Variants in GLI3 observed in about 807,000 individuals in gnomAD.
The protein encoded by GLI3 is transcription activator GLI3.
Under a neutral mutation model 100.8 loss-of-function variants are expected in GLI3, and 20 were observed. The observed-to-expected ratio is 0.20, with a 90% CI of 0.14 to 0.29. The LOEUF (loss-of-function observed/expected upper bound fraction) is 0.29. Ranked by LOEUF, GLI3 falls within the 10% of genes least tolerant of loss-of-function variation. The probability of loss-of-function intolerance (pLI) is 1.00; values close to 1 mark genes in which losing one functional copy is unlikely to be tolerated. For synonymous variants in GLI3, 938 were observed against 860.5 expected (o/e 1.09, Z -1.58); for missense variants, 2,040 against 2,128.5 (o/e 0.96, Z 0.82).
chr7:42,085,274 T>C (rs951143883), intron 3 of GLI3, among the ~76,000 whole-genome samples: 2 of 152,138 alleles, frequency 1.3e-5, no homozygotes, highest in African/African-American at 4.8e-5. Context: ...CAACAACTGA[T>C]CCACAAAGGG....
chr7:42,139,995 C>G (rs1251216367), intron 3 of GLI3, among the ~76,000 whole-genome samples: 1 of 152,236 alleles, frequency 6.6e-6, no homozygotes, highest in African/African-American at 2.4e-5. Context: ...CTCTTGAGCC[C>G]TGTCTTTGCC....
intron 12 of GLI3, among the ~76,000 whole-genome samples, chr7:41,973,916 C>CAT (rs373848101): frequency 1.6e-4 from 25 of 151,622 alleles, no homozygotes; most frequent in Admixed American, 3.3e-4. Flanking sequence ...TGATTTGCAG[C>CAT]ATATATATAT....
chr7:42,182,659 TATATATATATATATATATATATACAC>T (rs1787623677), intron 2 of GLI3, among the ~76,000 whole-genome samples: 2 of 62,718 alleles, frequency 3.2e-5, no homozygotes, highest in Admixed American at 3.1e-4. Context: ...TATATATATA[TATATATATATATATATATATATACAC>T]ATGTGTGTAT....
chr7:42,097,453 G>A (rs879809717), intron 3 of GLI3, among the ~76,000 whole-genome samples: 2 of 152,164 alleles, frequency 1.3e-5, no homozygotes, highest in Non-Finnish European at 2.9e-5. Context: ...GGTTAAGCAC[G>A]AGGGGAGATG....
chr7:42,035,220 CATTT>C (rs1405666746), intron 7 of GLI3, among the ~76,000 whole-genome samples: 1 of 152,124 alleles, frequency 6.6e-6, no homozygotes, highest in Admixed American at 6.5e-5. Flanking sequence ...TTTCTCAATT[CATTT>C]GTGTGTTATT....
At chr7:42,122,597 A>G (rs551006781) in intron 3 of GLI3, among the ~76,000 whole-genome samples, 3 of 152,328 alleles carry the variant, frequency 2.0e-5, no homozygotes, top group Admixed American at 2.0e-4. Flanking sequence ...GACTTACACA[A>G]GTCAGCCAGC....
At chr7:42,142,798 G>A (rs989806360) in intron 3 of GLI3, among the ~76,000 whole-genome samples, 5 of 151,854 alleles carry the variant, frequency 3.3e-5, no homozygotes, top group African/African-American at 9.7e-5. Flanking sequence ...AATTAGCCGG[G>A]TGTGGTGGCA....
chr7:42,262,804 A>G (rs1348321348), intron 1 of GLI3, among the ~76,000 whole-genome samples: 1 of 152,214 alleles, frequency 6.6e-6, no homozygotes, highest in Non-Finnish European at 1.5e-5. Context: ...TACTTTTTAA[A>G]TTATTCATGC....
At chr7:42,058,954 TG>T (rs1375882485) in intron 4 of GLI3, among the ~76,000 whole-genome samples, 4 of 152,248 alleles carry the variant, frequency 2.6e-5, no homozygotes, top group Admixed American at 6.5e-5. Flanking sequence ...TGCAATGCAC[TG>T]TTATTAAAAA....
At chr7:42,216,897 G>C (rs558707461) in intron 2 of GLI3, among the ~76,000 whole-genome samples, 1 of 152,328 alleles carries the variant, frequency 6.6e-6, no homozygotes, top group Non-Finnish European at 1.5e-5. Context: ...GAACATATCA[G>C]ATTGGACTGT....
intron 3 of GLI3, chr7:42,113,256 C>A: frequency 2.0e-6 from 1 of 505,696 alleles, no homozygotes; most frequent in Non-Finnish European, 3.8e-6. Context: ...TACAGAAGTA[C>A]GGAGCAGTGT....
intron 2 of GLI3, among the ~76,000 whole-genome samples, chr7:42,149,806 C>T (rs567667186): frequency 1.9e-4 from 29 of 152,238 alleles, no homozygotes; most frequent in African/African-American, 7.0e-4. Context: ...AAGGGCTCCC[C>T]CAATAAACAT....
intron 6 of GLI3, among the ~76,000 whole-genome samples, chr7:42,042,296 G>A (rs1166828153): frequency 6.6e-6 from 1 of 152,110 alleles, no homozygotes; most frequent in Non-Finnish European, 1.5e-5. Flanking sequence ...TTACAGGGGT[G>A]AGCCACTGCG....
chr7:41,972,533 G>A lies in GLI3; in HGVS notation c.1907C>T (p.Ala636Val). The A allele has an allele frequency of 6.2e-7, 1 of 1,612,894 alleles. No individual in the cohort carries two copies. Among genetic ancestry groups the A allele is most frequent in the Non-Finnish European group, 8.5e-7 (1 of 1,179,900 alleles). ...KHVKTVHGPEAHVTKKQRGDI... is the reference protein window; with the variant it reads ...KHVKTVHGPEVHVTKKQRGDI... Reference sequence around the variant, plus strand: ...CCCTCGCTGCTTCTTGGTGACATGAGCCTCTGGGCCATGCACTGTCTTCAC... The same window carrying A: ...CCCTCGCTGCTTCTTGGTGACATGAACCTCTGGGCCATGCACTGTCTTCAC... Residue 636 changes from alanine to valine, a missense_variant, in exon 13 of 15, where the codon GCT becomes GTT. By Grantham distance (64) the Ala-to-Val change is moderately conservative (BLOSUM62 0). This residue lies in a region of GLI3 where 61 missense variants were observed against 150.9 expected (regional missense o/e 0.40). Coordinates refer to ENST00000395925, the MANE Select transcript of GLI3 (RefSeq NM_000168.6). This position sits in a 1 kb window ranked among gnomAD's most constrained non-coding sequence, Gnocchi z 4.4.
chr7:42,249,772 AAC>A (rs35939925), intron 1 of GLI3, among the ~76,000 whole-genome samples: 60,551 of 150,940 alleles, frequency 0.4, 12,334 homozygotes, highest in Middle Eastern at 0.57. Flanking sequence ...TACATGCACA[AAC>A]ACACACACAC....
intron 1 of GLI3, among the ~76,000 whole-genome samples, chr7:42,258,864 G>A (rs529824899): frequency 6.6e-6 from 1 of 152,278 alleles, no homozygotes; most frequent in African/African-American, 2.4e-5. Flanking sequence ...ATGAATTTTG[G>A]GGGGACACAA....
intron 4 of GLI3, among the ~76,000 whole-genome samples, chr7:42,053,218 A>T (rs1049512369): frequency 1.1e-4 from 17 of 152,196 alleles, no homozygotes; most frequent in African/African-American, 3.9e-4. Flanking sequence ...GCCAGTCTTG[A>T]ACTCCTGATC....
chr7:42,186,139 G>A (rs76880056), intron 2 of GLI3, among the ~76,000 whole-genome samples: 11,349 of 152,138 alleles, frequency 0.075, 1,428 homozygotes, highest in African/African-American at 0.26. Context: ...TGTCTAAAAC[G>A]AAAAACAGTA....
intron 2 of GLI3, among the ~76,000 whole-genome samples, chr7:42,185,211 G>T (rs927313434): frequency 1.3e-5 from 2 of 152,140 alleles, no homozygotes; most frequent in African/African-American, 4.8e-5. Flanking sequence ...ACCCTACTGT[G>T]GGGGTTTCAG....
Sources: allele counts gnomAD v4.1 joint callset (sites outside exome capture counted in the v4.1 genomes callset), GRCh38; gene constraint gnomAD v4.1.1; regional missense constraint gnomAD v4.1.1; non-coding constraint Gnocchi (gnomAD v3.1); transcripts MANE v1.5; gene names NCBI Gene and HGNC (gene_info 2026-07-23, HGNC 2026-07-21).